The following SLX4IP variants were observed in gnomAD, a reference collection of about 807,000 sequenced individuals.
The protein encoded by SLX4IP is SLX4 interacting protein.
A neutral mutation model predicts 32.9 loss-of-function variants in SLX4IP; 34 were observed. That is an observed-to-expected ratio of 1.03 (90% CI 0.79 to 1.38). SLX4IP has a LOEUF of 1.38. Ranked by LOEUF, SLX4IP falls within the 40% of genes most tolerant of loss-of-function variation. The pLI, the probability that SLX4IP is intolerant of heterozygous loss-of-function variation, is 0.00. For missense variants in SLX4IP, 444 were observed against 479.0 expected (o/e 0.93, Z 0.68); for synonymous variants, 172 against 171.7 (o/e 1.00, Z -0.01).
intron 2 of SLX4IP, among the ~76,000 whole-genome samples, chr20:10,511,789 T>G (rs1460405956): frequency 6.6e-6 from 1 of 152,234 alleles, no homozygotes; most frequent in African/African-American, 2.4e-5. Context: ...TTCCTGTGTG[T>G]GGAGACCACA....
chr20:10,457,019 A>G (rs574575062), intron 1 of SLX4IP, among the ~76,000 whole-genome samples: 1 of 152,258 alleles, frequency 6.6e-6, no homozygotes, highest in East Asian at 1.9e-4. Flanking sequence ...TTTTAGGACT[A>G]TTCATTGTTG....
intron 4 of SLX4IP, among the ~76,000 whole-genome samples, chr20:10,572,817 G>A (rs565363289): frequency 1.3e-5 from 2 of 152,186 alleles, no homozygotes; most frequent in South Asian, 4.1e-4. Flanking sequence ...TGTGGCATCC[G>A]AGGTATCTTT....
At chr20:10,568,162 T>C (rs570488805) in intron 4 of SLX4IP, among the ~76,000 whole-genome samples, 2 of 152,250 alleles carry the variant, frequency 1.3e-5, no homozygotes, top group Non-Finnish European at 2.9e-5. Context: ...CCATCTGACA[T>C]GCCTGTGTCT....
chr20:10,555,093 A>C (rs1210382753), intron 2 of SLX4IP, among the ~76,000 whole-genome samples: 1 of 152,050 alleles, frequency 6.6e-6, no homozygotes, highest in African/African-American at 2.4e-5. Flanking sequence ...AATTTTGTAT[A>C]TAGCGTGAGG....
At chr20:10,439,149 A>G (rs949187134) in intron 1 of SLX4IP, among the ~76,000 whole-genome samples, 12 of 151,978 alleles carry the variant, frequency 7.9e-5, no homozygotes, top group African/African-American at 2.9e-4. Context: ...GTTTGTTCTT[A>G]TTTTTACAAT....
intron 1 of SLX4IP, among the ~76,000 whole-genome samples, chr20:10,443,968 G>A (rs139788359): frequency 1.3e-5 from 2 of 152,264 alleles, no homozygotes; most frequent in African/African-American, 4.8e-5. Flanking sequence ...TGTAGAGCCT[G>A]GAGAACTGCG....
chr20:10,540,343 G>A (rs146011028), intron 2 of SLX4IP, among the ~76,000 whole-genome samples: 1,786 of 152,192 alleles, frequency 0.012, 12 homozygotes, highest in Non-Finnish European at 0.019. Context: ...GGGTAGTGGT[G>A]TTTTGAAGAC....
intron 2 of SLX4IP, among the ~76,000 whole-genome samples, chr20:10,461,585 TGACA>T (rs2065338659): frequency 6.6e-6 from 1 of 152,206 alleles, no homozygotes; most frequent in African/African-American, 2.4e-5. Context: ...TTTAAATATC[TGACA>T]TGAAGTTTTG....
At chr20:10,567,387 A>G (rs1211494190) in intron 4 of SLX4IP, among the ~76,000 whole-genome samples, 2 of 152,150 alleles carry the variant, frequency 1.3e-5, no homozygotes, top group Non-Finnish European at 2.9e-5. Flanking sequence ...AAAGGGCTTG[A>G]TGGAGGCCTT....
intron 2 of SLX4IP, among the ~76,000 whole-genome samples, chr20:10,553,260 A>G (rs1468103024): frequency 6.6e-6 from 1 of 152,236 alleles, no homozygotes; most frequent in Non-Finnish European, 1.5e-5. Flanking sequence ...ATTTATGCTT[A>G]TCGCCACTTC....
At chr20:10,613,780 A>G in intron 6 of SLX4IP, 3 of 1,613,474 alleles carry the variant, frequency 1.9e-6, no homozygotes, top group South Asian at 1.1e-5. Context: ...CAAAGCACAG[A>G]CTCCATGATC....
chr20:10,480,690 A>C (rs1397599072), intron 2 of SLX4IP, among the ~76,000 whole-genome samples: 10 of 152,250 alleles, frequency 6.6e-5, no homozygotes, highest in Non-Finnish European at 1.2e-4. Flanking sequence ...TTTGAAATTA[A>C]AATAGCCTAG....
chr20:10,488,600 C>T (rs1231371205), intron 2 of SLX4IP, among the ~76,000 whole-genome samples: 1 of 152,130 alleles, frequency 6.6e-6, no homozygotes, highest in East Asian at 1.9e-4. Context: ...GCCTCTCAGT[C>T]TCCTCGTCTT....
At chr20:10,539,737 T>C (rs1323269840) in intron 2 of SLX4IP, among the ~76,000 whole-genome samples, 1 of 152,242 alleles carries the variant, frequency 6.6e-6, no homozygotes, top group Non-Finnish European at 1.5e-5. Flanking sequence ...ATCTCAGCAG[T>C]GGGTCTCAAC....
intron 2 of SLX4IP, among the ~76,000 whole-genome samples, chr20:10,517,586 G>A (rs565302714): frequency 2.0e-4 from 30 of 152,266 alleles, no homozygotes; most frequent in Non-Finnish European, 3.8e-4. Flanking sequence ...TCCGTAGGCC[G>A]CTTGCTAACA....
At position 10,456,576 on chromosome 20, in the gene SLX4IP, G is replaced by A. The variant is rs570149055; in HGVS notation, c.-29-1600G>A. ...AGGCTGGTCTCGAACTCCTGACCTCGTGATCTACCCGCCTCGGCCTCCCAA... is the reference window on the plus strand; with the variant it reads ...AGGCTGGTCTCGAACTCCTGACCTCATGATCTACCCGCCTCGGCCTCCCAA... On this transcript the variant is annotated intron_variant, in intron 1 of 7. Transcript: ENST00000334534. Among the ~76,000 whole-genome samples, 70 of 152,180 alleles carry A rather than the reference G, an allele frequency of 4.6e-4. 2 individuals are homozygous for A. Among genetic ancestry groups the A allele is most frequent in the Non-Finnish European group, 2.6e-4 (18 of 67,990 alleles).
At chr20:10,494,986 T>C (rs1029221426) in intron 2 of SLX4IP, among the ~76,000 whole-genome samples, 1 of 152,166 alleles carries the variant, frequency 6.6e-6, no homozygotes, top group Non-Finnish European at 1.5e-5. Flanking sequence ...ATTTCAAATG[T>C]CTCACCACAA....
At chr20:10,478,640 G>A (rs1275451315) in intron 2 of SLX4IP, among the ~76,000 whole-genome samples, 1 of 152,134 alleles carries the variant, frequency 6.6e-6, no homozygotes, top group Non-Finnish European at 1.5e-5. Flanking sequence ...TCTCTTGGGA[G>A]GTAGGCAGCA....
intron 1 of SLX4IP, among the ~76,000 whole-genome samples, chr20:10,442,970 T>A (rs189788030): frequency 6.6e-6 from 1 of 152,380 alleles, no homozygotes; most frequent in East Asian, 1.9e-4. Flanking sequence ...AACATCATCT[T>A]TGTGGTATAA....
Sources: gnomAD v4.1 joint callset for allele counts (sites outside exome capture counted in the v4.1 genomes callset) on GRCh38, gnomAD v4.1.1 for gene constraint, MANE v1.5 for transcripts, NCBI Gene and HGNC (gene_info 2026-07-23, HGNC 2026-07-21) for gene names.